Variants in KCNH1 observed in about 807,000 individuals in gnomAD.
KCNH1 encodes the protein voltage-gated delayed rectifier potassium channel KCNH1.
In KCNH1, 27 loss-of-function variants were observed where a neutral mutation model predicts 69.2. The ratio of observed to expected loss-of-function variants is 0.39; its 90% CI spans 0.29 to 0.54. The LOEUF is 0.54. Among genes scored for constraint, KCNH1 ranks in the 20% least tolerant of loss-of-function variants. The pLI is 0.68. For missense variants in KCNH1, 798 were observed against 1,261.6 expected (o/e 0.63, Z 5.57); for synonymous variants, 456 against 487.7 (o/e 0.93, Z 0.86).
chr1:210,771,568 C>G (rs1403180812), intron 10 of KCNH1, among the ~76,000 whole-genome samples: 1 of 152,210 alleles, frequency 6.6e-6, no homozygotes, highest in Non-Finnish European at 1.5e-5. Context: ...CTTCTTTTTA[C>G]TTTACAAAAG....
chr1:210,731,242 G>A (rs1169225793), intron 10 of KCNH1, among the ~76,000 whole-genome samples: 3 of 152,160 alleles, frequency 2.0e-5, no homozygotes, highest in Non-Finnish European at 4.4e-5. Flanking sequence ...GTGTATCCAT[G>A]TCGCTTTACA....
At chr1:210,821,369 G>A (rs1281004393) in intron 7 of KCNH1, among the ~76,000 whole-genome samples, 1 of 152,164 alleles carries the variant, frequency 6.6e-6, no homozygotes. Flanking sequence ...ATTCTCTGTA[G>A]AGAATCCACT....
rs1474640015 is a variant in KCNH1, at chr1:210,718,649, T to TACAC, written c.2113-34512_2113-34511insGTGT. ...GTATAAATATATATATACATATATATATACACACACACACACACACACACA... is the reference window on the plus strand; with the variant it reads ...GTATAAATATATATATACATATATATACACATACACACACACACACACACACACA... On this transcript the variant is annotated intron_variant, in intron 10 of 10. Transcript: ENST00000271751. Among the ~76,000 whole-genome samples the TACAC allele has an allele frequency of 1.4e-4, 10 of 72,328 alleles. 1 individual carries two copies. The highest frequency in any genetic ancestry group is 5.5e-4 in the East Asian group (2 of 3,642). The allele number at this position is 72,328 out of a possible 152,430, so 47.4% of individuals were successfully genotyped here. A position where few individuals can be genotyped will look rare whatever the true frequency, so the allele number is the denominator to read the frequency against.
rs113626075 is a variant in KCNH1, at chr1:210,835,017, C to G, written c.1463-30851G>C. Among the ~76,000 whole-genome samples, 353 of 152,212 alleles carry G rather than the reference C, an allele frequency of 2.3e-3. 5 individuals carry two copies. Among genetic ancestry groups the G allele is most frequent in the African/African-American group, 8.0e-3 (332 of 41,526 alleles). On this transcript the variant is annotated intron_variant, in intron 7 of 10. Coordinates refer to ENST00000271751, the MANE Select transcript of KCNH1 (RefSeq NM_172362.3). The stretch of plus-strand genomic sequence containing the variant: ...CCCCACTTTGTTGAGCTTCTGTATG[C>G]GAGTCATAAAGCCTTCTGAAGATAG...
intron 7 of KCNH1, among the ~76,000 whole-genome samples, chr1:210,895,843 G>T (rs148906009): frequency 4.0e-5 from 6 of 151,896 alleles, no homozygotes; most frequent in African/African-American, 7.3e-5. Context: ...TTCCAACAAC[G>T]CCATATCACA....
intron 10 of KCNH1, among the ~76,000 whole-genome samples, chr1:210,736,937 C>T (rs1219466404): frequency 1.3e-5 from 2 of 152,184 alleles, no homozygotes; most frequent in African/African-American, 2.4e-5. Flanking sequence ...GTTGACTACC[C>T]TCTCTTCCCC....
rs140212865 is a variant in KCNH1, at chr1:210,947,095, C to T, written c.1033-27026G>A. On this transcript the variant is annotated intron_variant, in intron 6 of 10. Transcript: ENST00000271751. ...AGCCCTAGAACCTACTGTTCTTGTG[C>T]CTGGTGCTAACAGGCACCATACAAA... is the stretch of plus-strand genomic sequence containing the variant. Among the ~76,000 whole-genome samples, 1,087 of 152,282 alleles carry T rather than the reference C, an allele frequency of 7.1e-3. 10 individuals carry two copies. Among genetic ancestry groups the T allele is most frequent in the African/African-American group, 0.024 (1,013 of 41,552 alleles).
At chr1:210,767,447 C>T (rs190919521) in intron 10 of KCNH1, among the ~76,000 whole-genome samples, 126 of 152,284 alleles carry the variant, frequency 8.3e-4, no homozygotes, top group African/African-American at 2.8e-3. Context: ...GTTTCAGAGG[C>T]AAGACCTGTT....
At chr1:210,765,051 T>C (rs540003842) in intron 10 of KCNH1, among the ~76,000 whole-genome samples, 7 of 152,322 alleles carry the variant, frequency 4.6e-5, no homozygotes, top group African/African-American at 1.7e-4. Flanking sequence ...TCATGTCCTT[T>C]GCAGCAACAT....
At chr1:210,881,668 G>A (rs139744128) in intron 7 of KCNH1, among the ~76,000 whole-genome samples, 11 of 152,224 alleles carry the variant, frequency 7.2e-5, no homozygotes, top group South Asian at 4.1e-4. Context: ...ATAAACTATC[G>A]TACATCCAGA....
intron 6 of KCNH1, among the ~76,000 whole-genome samples, chr1:210,934,413 G>C (rs550460916): frequency 6.6e-6 from 1 of 152,178 alleles, no homozygotes. Context: ...CCAGCACTTT[G>C]TGGGGCCAAG....
At position 211,045,041 on chromosome 1, in the gene KCNH1, G is replaced by GATATATAT. The variant is rs71134652; in HGVS notation, c.559-25793_559-25786dup. 5.2e-3 allele frequency among the ~76,000 whole-genome samples: 427 copies of GATATATAT among 81,720 alleles called. 51 individuals carry two copies. The highest frequency in any genetic ancestry group is 6.3e-3 in the Non-Finnish European group (242 of 38,272). The allele number at this position is 81,720 out of a possible 152,430, so 53.6% of individuals were successfully genotyped here. On this transcript the variant is annotated intron_variant, in intron 5 of 10. Coordinates refer to ENST00000271751, the MANE Select transcript of KCNH1 (RefSeq NM_172362.3). The stretch of plus-strand genomic sequence containing the variant: ...ATCAATGTGTGGATAAATTGTGGGG[G>GATATATAT]ATATATATATATATATATGAATAAT...
chr1:210,689,001 T>C (rs548563983), intron 10 of KCNH1, among the ~76,000 whole-genome samples: 6 of 152,338 alleles, frequency 3.9e-5, no homozygotes, highest in African/African-American at 1.2e-4. Context: ...GCCTGACATG[T>C]TGCTCAGAAT....
chr1:210,979,337 C>T (rs1360232880), intron 6 of KCNH1, among the ~76,000 whole-genome samples: 1 of 152,186 alleles, frequency 6.6e-6, no homozygotes, highest in Non-Finnish European at 1.5e-5. Context: ...TAACTTTGGA[C>T]AGTTTCTAGA....
chr1:210,900,888 G>T (rs897323711), intron 7 of KCNH1, among the ~76,000 whole-genome samples: 6 of 151,948 alleles, frequency 3.9e-5, no homozygotes, highest in East Asian at 1.9e-4. Context: ...CTTTAGTACC[G>T]TGTTATAGTC....
intron 7 of KCNH1, among the ~76,000 whole-genome samples, chr1:210,896,796 G>A (rs1686878059): frequency 6.6e-6 from 1 of 152,000 alleles, no homozygotes; most frequent in Admixed American, 6.6e-5. Flanking sequence ...AGGAACAAGT[G>A]AAGAAAATAA....
At chr1:210,955,844 G>T (rs1205931778) in intron 6 of KCNH1, among the ~76,000 whole-genome samples, 1 of 152,194 alleles carries the variant, frequency 6.6e-6, no homozygotes, top group Non-Finnish European at 1.5e-5. Flanking sequence ...CATGTCATCT[G>T]TAAACAGGGA....
chr1:211,111,470 C>A (rs1257164151), intron 1 of KCNH1, among the ~76,000 whole-genome samples: 1 of 149,902 alleles, frequency 6.7e-6, no homozygotes, highest in Non-Finnish European at 1.5e-5. Flanking sequence ...TCTGCCCGGC[C>A]GCCCATCGTC....
chr1:211,049,660 G>A (rs1171799904), intron 5 of KCNH1, among the ~76,000 whole-genome samples: 1 of 152,190 alleles, frequency 6.6e-6, no homozygotes, highest in Non-Finnish European at 1.5e-5. Context: ...GCAGTGTGGA[G>A]GAGGGCCTGG....
Sources: gnomAD v4.1 joint callset for allele counts (sites outside exome capture counted in the v4.1 genomes callset) on GRCh38, gnomAD v4.1.1 for gene constraint, MANE v1.5 for transcripts, NCBI Gene and HGNC (gene_info 2026-07-23, HGNC 2026-07-21) for gene names.